GALNT17: variants seen among roughly 807,000 people sequenced by gnomAD.
GALNT17 encodes UDP-GalNAc:polypeptide N-acetylgalactosaminyltransferase-like 3.
Under a neutral mutation model 63.7 loss-of-function variants are expected in GALNT17, and 29 were observed. That is an observed-to-expected ratio of 0.46 (90% CI 0.34 to 0.62). The LOEUF (loss-of-function observed/expected upper bound fraction) is 0.62, where lower values mean the gene tolerates loss of function less well. Among genes scored for constraint, GALNT17 ranks in the 20% least tolerant of loss-of-function variants. The pLI is 0.01. For synonymous variants in GALNT17, 305 were observed against 318.3 expected (o/e 0.96, Z 0.45); for missense variants, 603 against 799.6 (o/e 0.75, Z 2.97).
At chr7:71,499,533 A>G (rs920123312) in intron 5 of GALNT17, among the ~76,000 whole-genome samples, 1 of 152,218 alleles carries the variant, frequency 6.6e-6, no homozygotes, top group African/African-American at 2.4e-5. Flanking sequence ...GAGAGGAAAT[A>G]CCACATATAG....
chr7:71,391,661 A>T (rs577229145), intron 3 of GALNT17, among the ~76,000 whole-genome samples: 5 of 150,762 alleles, frequency 3.3e-5, no homozygotes, highest in Non-Finnish European at 5.9e-5. Flanking sequence ...TTATATATAT[A>T]TTTTTTGTAG....
intron 1 of GALNT17, among the ~76,000 whole-genome samples, chr7:71,219,657 ATCTT>A (rs1223748583): frequency 6.6e-6 from 1 of 152,028 alleles, no homozygotes; most frequent in Non-Finnish European, 1.5e-5. Flanking sequence ...TGAATATGGT[ATCTT>A]TCCCTCGATT....
chr7:71,273,743 G>A (rs7794356), intron 1 of GALNT17, among the ~76,000 whole-genome samples: 43,438 of 152,000 alleles, frequency 0.29, 6,388 homozygotes, highest in East Asian at 0.48. Context: ...AGAGACTTTG[G>A]CTAAGCATTC....
chr7:71,506,447 A>G (rs371284429), intron 5 of GALNT17, among the ~76,000 whole-genome samples: 1 of 151,986 alleles, frequency 6.6e-6, no homozygotes, highest in Non-Finnish European at 1.5e-5. Flanking sequence ...TTGTATTTTT[A>G]GTAGAGACTG....
chr7:71,349,673 GTAC>G (rs1232286557), intron 2 of GALNT17, among the ~76,000 whole-genome samples: 2 of 152,164 alleles, frequency 1.3e-5, no homozygotes, highest in African/African-American at 4.8e-5. Flanking sequence ...TTAAGTAGAT[GTAC>G]TACAAGTGAT....
chr7:71,440,522 G>A (rs1463301214), intron 5 of GALNT17, among the ~76,000 whole-genome samples: 1 of 151,924 alleles, frequency 6.6e-6, no homozygotes, highest in East Asian at 1.9e-4. Flanking sequence ...TTACAGGCAT[G>A]TGCCACCATG....
chr7:71,218,185 G>A (rs1465518213), intron 1 of GALNT17, among the ~76,000 whole-genome samples: 1 of 152,158 alleles, frequency 6.6e-6, no homozygotes, highest in African/African-American at 2.4e-5. Context: ...CTTGAGGTCA[G>A]GAGTTGGAGG....
chr7:71,294,419 T>TTC (rs1791040296), intron 1 of GALNT17, among the ~76,000 whole-genome samples: 1 of 138,824 alleles, frequency 7.2e-6, no homozygotes. Context: ...CTTTTTTTTT[T>TTC]TTTTTTTTTT....
At position 71,553,235 on chromosome 7, in the gene GALNT17, G is replaced by A. The variant is rs141429704; in HGVS notation, c.963-18050G>A. Among the ~76,000 whole-genome samples, 60 of 152,184 alleles carry A rather than the reference G, an allele frequency of 3.9e-4. 2 individuals carry two copies. Among genetic ancestry groups the A allele is most frequent in the African/African-American group, 1.4e-3 (57 of 41,528 alleles). On this transcript the variant is annotated intron_variant, in intron 5 of 10. Transcript: ENST00000333538. ...CCGGCTACTTTGGGGGCTGAGGTGGGAGGATTGCTTGAGCCCAGGAGGTTG... is the reference window on the plus strand; with the variant it reads ...CCGGCTACTTTGGGGGCTGAGGTGGAAGGATTGCTTGAGCCCAGGAGGTTG...
intron 2 of GALNT17, among the ~76,000 whole-genome samples, chr7:71,369,131 G>A (rs1046565680): frequency 2.0e-5 from 3 of 152,186 alleles, no homozygotes; most frequent in African/African-American, 7.2e-5. Flanking sequence ...AGAACTCTGT[G>A]CTCTGCACAA....
intron 1 of GALNT17, among the ~76,000 whole-genome samples, chr7:71,304,870 A>G (rs1176386147): frequency 6.6e-6 from 1 of 152,026 alleles, no homozygotes; most frequent in Non-Finnish European, 1.5e-5. Flanking sequence ...CAGCCTCCCA[A>G]GTAGCTGGGA....
intron 1 of GALNT17, among the ~76,000 whole-genome samples, chr7:71,276,796 GA>G: frequency 6.6e-6 from 1 of 152,072 alleles, no homozygotes; most frequent in East Asian, 1.9e-4. Context: ...TCAGGAGTTT[GA>G]GACCAGCCTG....
chr7:71,599,464 C>T (rs1007417257), intron 6 of GALNT17, among the ~76,000 whole-genome samples: 2 of 152,094 alleles, frequency 1.3e-5, no homozygotes, highest in East Asian at 1.9e-4. Context: ...CTCCAGCAGC[C>T]CCAAGTTTGA....
At chr7:71,203,283 C>T (rs1281673007) in intron 1 of GALNT17, among the ~76,000 whole-genome samples, 2 of 152,158 alleles carry the variant, frequency 1.3e-5, no homozygotes, top group Non-Finnish European at 1.5e-5. Flanking sequence ...ACCAGGGTTC[C>T]TTTTTCTCCA....
At chr7:71,417,708 GC>G in intron 4 of GALNT17, among the ~76,000 whole-genome samples, 1 of 152,272 alleles carries the variant, frequency 6.6e-6, no homozygotes, top group African/African-American at 2.4e-5. Context: ...AAAGATTCAG[GC>G]GAATGTTCCG....
intron 6 of GALNT17, among the ~76,000 whole-genome samples, chr7:71,579,115 G>T (rs1562698591): frequency 6.6e-6 from 1 of 152,178 alleles, no homozygotes; most frequent in Non-Finnish European, 1.5e-5. Context: ...TGGATCCAAG[G>T]CCTGGTGTGA....
intron 1 of GALNT17, among the ~76,000 whole-genome samples, chr7:71,174,496 C>T (rs756264904): frequency 6.6e-6 from 1 of 152,164 alleles, no homozygotes; most frequent in Non-Finnish European, 1.5e-5. Context: ...TTTGTGTGAG[C>T]AACATGGCTG....
At chr7:71,502,113 A>C (rs1450535554) in intron 5 of GALNT17, among the ~76,000 whole-genome samples, 1 of 152,218 alleles carries the variant, frequency 6.6e-6, no homozygotes, top group Non-Finnish European at 1.5e-5. Context: ...AGGCTCTTGC[A>C]TTAAAATCAA....
intron 8 of GALNT17, among the ~76,000 whole-genome samples, chr7:71,672,912 G>GA (rs1791091866): frequency 6.6e-6 from 1 of 151,924 alleles, no homozygotes; most frequent in Non-Finnish European, 1.5e-5. Context: ...AGTTACACAA[G>GA]AAAAAATACA....
Sources: allele counts gnomAD v4.1 joint callset (sites outside exome capture counted in the v4.1 genomes callset), GRCh38; gene constraint gnomAD v4.1.1; transcripts MANE v1.5; gene names NCBI Gene and HGNC (gene_info 2026-07-23, HGNC 2026-07-21).